The following CNTN4 variants were observed in gnomAD, a reference collection of about 807,000 sequenced individuals.
CNTN4 encodes contactin-4.
CNTN4 carries 77 observed loss-of-function variants against 122.5 expected under a neutral mutation model. The observed-to-expected ratio is 0.63, with a 90% CI of 0.52 to 0.76. The LOEUF (loss-of-function observed/expected upper bound fraction) is 0.76, where lower values mean the gene tolerates loss of function less well. Among genes scored for constraint, CNTN4 ranks in the 30% least tolerant of loss-of-function variants. The pLI, the probability that CNTN4 is intolerant of heterozygous loss-of-function variation, is 0.00. For synonymous variants in CNTN4, 512 were observed against 447.0 expected, an observed-to-expected ratio of 1.15 and a Z score of -1.83; for missense variants, 1,256 against 1,259.1, an observed-to-expected ratio of 1.00 and a Z score of 0.04.
chr3:3,044,298 C>T (rs1040301028), intron 23 of CNTN4, among the ~76,000 whole-genome samples: 5 of 152,160 alleles, frequency 3.3e-5, no homozygotes, highest in African/African-American at 1.2e-4. Context: ...TATTTGCTAC[C>T]TAACAAACCA....
intron 4 of CNTN4, among the ~76,000 whole-genome samples, chr3:2,719,382 C>A (rs1180259970): frequency 6.6e-6 from 1 of 151,722 alleles, no homozygotes; most frequent in Admixed American, 6.6e-5. Context: ...TGCAACCTCG[C>A]CTCCTGGGTT....
intron 2 of CNTN4, among the ~76,000 whole-genome samples, chr3:2,160,541 A>G (rs2035917159): frequency 6.6e-6 from 1 of 152,206 alleles, no homozygotes; most frequent in South Asian, 2.1e-4. Flanking sequence ...AATAAGTGAT[A>G]GATTCCACAT....
At chr3:2,939,998 A>G (rs532698958) in intron 13 of CNTN4, among the ~76,000 whole-genome samples, 206 of 152,344 alleles carry the variant, frequency 1.4e-3, no homozygotes, top group African/African-American at 4.6e-3. Context: ...AAACATTGAC[A>G]GCACACCACT....
chr3:2,555,434 G>A (rs73001928), intron 3 of CNTN4, among the ~76,000 whole-genome samples: 33,041 of 152,114 alleles, frequency 0.22, 4,353 homozygotes, highest in Non-Finnish European at 0.3. Context: ...GAGAGAGACC[G>A]TGTCTCTCCC....
At chr3:2,549,318 A>G (rs943644244) in intron 3 of CNTN4, among the ~76,000 whole-genome samples, 5 of 152,094 alleles carry the variant, frequency 3.3e-5, no homozygotes, top group Admixed American at 3.3e-4. Context: ...CCCATTCAGT[A>G]TGGTATTGCC....
chr3:2,660,925 G>C (rs2083859644), intron 4 of CNTN4, among the ~76,000 whole-genome samples: 1 of 152,170 alleles, frequency 6.6e-6, no homozygotes, highest in Non-Finnish European at 1.5e-5. Context: ...ATTTACTAAA[G>C]GTCATCACAA....
chr3:2,656,673 A>G (rs186458565), intron 4 of CNTN4, among the ~76,000 whole-genome samples: 6 of 152,364 alleles, frequency 3.9e-5, no homozygotes, highest in Admixed American at 3.9e-4. Context: ...AGGGAGGTCT[A>G]AGCTAATTAA....
intron 3 of CNTN4, among the ~76,000 whole-genome samples, chr3:2,467,296 C>G (rs886745284): frequency 2.0e-5 from 3 of 152,052 alleles, no homozygotes; most frequent in Non-Finnish European, 2.9e-5. Flanking sequence ...CCCATTAGTC[C>G]TTTCTATAGT....
chr3:2,172,396 TGAGGG>T (rs1345769373), intron 2 of CNTN4, among the ~76,000 whole-genome samples: 1 of 151,860 alleles, frequency 6.6e-6, no homozygotes, highest in Non-Finnish European at 1.5e-5. Flanking sequence ...TTTGGGGACT[TGAGGG>T]GAAGGGTGAA....
At chr3:2,418,370 A>G (rs2047494170) in intron 3 of CNTN4, among the ~76,000 whole-genome samples, 1 of 152,212 alleles carries the variant, frequency 6.6e-6, no homozygotes, top group Admixed American at 6.5e-5. Context: ...CCTCTTCAAA[A>G]TAATACACAG....
intron 7 of CNTN4, among the ~76,000 whole-genome samples, chr3:2,850,558 C>G (rs750960880): frequency 6.6e-6 from 1 of 152,150 alleles, no homozygotes; most frequent in Non-Finnish European, 1.5e-5. Flanking sequence ...CCAGATCATG[C>G]GAAACCATGT....
chr3:2,883,711 T>C (rs985953592), intron 9 of CNTN4, among the ~76,000 whole-genome samples: 27 of 152,334 alleles, frequency 1.8e-4, no homozygotes, highest in African/African-American at 6.3e-4. Context: ...GATTTCCTTC[T>C]CCTCTGGCTA....
At chr3:2,503,852 G>C (rs2076662634) in intron 3 of CNTN4, among the ~76,000 whole-genome samples, 1 of 152,036 alleles carries the variant, frequency 6.6e-6, no homozygotes, top group Non-Finnish European at 1.5e-5. Flanking sequence ...GGAGGTTACT[G>C]GGGGGTTGGG....
At chr3:2,764,663 T>G (rs2090758562) in intron 6 of CNTN4, among the ~76,000 whole-genome samples, 1 of 152,246 alleles carries the variant, frequency 6.6e-6, no homozygotes, top group African/African-American at 2.4e-5. Flanking sequence ...GCTCAGTGTC[T>G]TGAAGTCTAC....
At chr3:2,135,912 A>G (rs1232004642) in intron 2 of CNTN4, among the ~76,000 whole-genome samples, 1 of 152,162 alleles carries the variant, frequency 6.6e-6, no homozygotes, top group Non-Finnish European at 1.5e-5. Context: ...TCTGGTAAAT[A>G]CTTCCTAATT....
chr3:2,688,439 A>C (rs2085553233), intron 4 of CNTN4, among the ~76,000 whole-genome samples: 1 of 152,218 alleles, frequency 6.6e-6, no homozygotes, highest in African/African-American at 2.4e-5. Flanking sequence ...TATCACTCCA[A>C]ATACATGGAA....
intron 4 of CNTN4, among the ~76,000 whole-genome samples, chr3:2,611,870 T>C (rs1576212772): frequency 6.6e-6 from 1 of 152,166 alleles, no homozygotes; most frequent in African/African-American, 2.4e-5. Flanking sequence ...TTAATCACTT[T>C]TTTAAATGTT....
At chr3:2,970,782 A>G (rs9872954) in intron 13 of CNTN4, among the ~76,000 whole-genome samples, 15,760 of 151,550 alleles carry the variant, frequency 0.1, 865 homozygotes, top group Non-Finnish European at 0.12. Context: ...TGGATCATGT[A>G]CTGTATTCTT....
In CNTN4 at chr3:3,031,107, G is replaced by A. The variant is rs1006226953; in HGVS notation, c.1783+132G>A. ...GCAGAAGCTGAACATTGTAAACAGT[G>A]GCTAACAGTCCACAGAAGTTTCTGG... On this transcript the variant is annotated intron_variant, in intron 16 of 24. Transcript: ENST00000418658. The A allele has an allele frequency of 7.2e-5, 85 of 1,181,812 alleles. 1 individual carries two copies. The South Asian group carries it at 1.0e-3, about 14-fold the overall frequency. The allele number at this position is 1,181,812 out of a possible 1,614,324, so 73.2% of individuals were successfully genotyped here. A position where few individuals can be genotyped will look rare whatever the true frequency, so the allele number is the denominator to read the frequency against.
Sources: gnomAD v4.1 joint callset for allele counts (sites outside exome capture counted in the v4.1 genomes callset) on GRCh38, gnomAD v4.1.1 for gene constraint, MANE v1.5 for transcripts, NCBI Gene and HGNC (gene_info 2026-07-23, HGNC 2026-07-21) for gene names.